The following PCCA variants were observed in gnomAD, a reference collection of about 807,000 sequenced individuals.
The protein encoded by PCCA is propionyl-CoA carboxylase alpha chain, mitochondrial.
In PCCA, 74 loss-of-function variants were observed where a neutral mutation model predicts 101.3. That is an observed-to-expected ratio of 0.73 (90% CI 0.61 to 0.89). PCCA has a LOEUF of 0.89. Among genes scored for constraint, PCCA ranks in the 40% least tolerant of loss-of-function variants. The pLI, the probability that PCCA is intolerant of heterozygous loss-of-function variation, is 0.00. For missense variants in PCCA, 891 were observed against 907.0 expected (o/e 0.98, Z 0.23); for synonymous variants, 294 against 313.6 (o/e 0.94, Z 0.66).
chr13:100,437,755 G>A (rs371558665), intron 20 of PCCA, among the ~76,000 whole-genome samples: 3 of 151,964 alleles, frequency 2.0e-5, no homozygotes, highest in Non-Finnish European at 4.4e-5. Flanking sequence ...TGCAACCTCC[G>A]CCTCCCAGAC....
intron 21 of PCCA, chr13:100,480,320 G>A (rs1455162158): frequency 6.6e-6 from 1 of 152,164 alleles, no homozygotes; most frequent in African/African-American, 2.4e-5. Context: ...CTTCTTGCAA[G>A]ATCTTCACCA....
At chr13:100,147,639 C>T (rs1434406471) in intron 4 of PCCA, among the ~76,000 whole-genome samples, 1 of 152,184 alleles carries the variant, frequency 6.6e-6, no homozygotes, top group African/African-American at 2.4e-5. Context: ...ACTTTGAATG[C>T]ATGTGTGATA....
intron 23 of PCCA, among the ~76,000 whole-genome samples, chr13:100,528,897 G>T (rs1345828325): frequency 6.6e-6 from 1 of 152,196 alleles, no homozygotes; most frequent in East Asian, 1.9e-4. Context: ...GCCTAGGTGT[G>T]GGGGACCGAG....
intron 22 of PCCA, among the ~76,000 whole-genome samples, chr13:100,516,142 A>AATTG (rs1412214425): frequency 6.6e-6 from 1 of 152,224 alleles, no homozygotes; most frequent in Non-Finnish European, 1.5e-5. Flanking sequence ...TACATGGATG[A>AATTG]ATTGATAGGA....
chr13:100,503,559 C>T (rs1347275689), intron 21 of PCCA, among the ~76,000 whole-genome samples: 1 of 151,992 alleles, frequency 6.6e-6, no homozygotes, highest in African/African-American at 2.4e-5. Context: ...TAAAAGTCTA[C>T]AGTGAGTCAA....
At chr13:100,503,074 TGGAGTTGTCCAGTG>T (rs906038381) in intron 21 of PCCA, among the ~76,000 whole-genome samples, 1 of 152,144 alleles carries the variant, frequency 6.6e-6, no homozygotes, top group African/African-American at 2.4e-5. Flanking sequence ...ACTCTCCCAC[TGGAGTTGTCCAGTG>T]GGAGTTGTCT....
intron 6 of PCCA, among the ~76,000 whole-genome samples, chr13:100,165,048 C>T (rs185498811): frequency 7.4e-4 from 112 of 152,260 alleles, no homozygotes; most frequent in African/African-American, 2.6e-3. Context: ...TGTGGATATA[C>T]CATATTTTGT....
intron 6 of PCCA, among the ~76,000 whole-genome samples, chr13:100,196,746 A>G (rs1018392176): frequency 9.2e-5 from 14 of 152,220 alleles, no homozygotes; most frequent in African/African-American, 3.4e-4. Context: ...ACATTTAAAA[A>G]TCGTGTGGGT....
At chr13:100,121,448 C>G (rs1200569228) in intron 4 of PCCA, among the ~76,000 whole-genome samples, 1 of 147,986 alleles carries the variant, frequency 6.8e-6, no homozygotes, top group East Asian at 2.0e-4. Flanking sequence ...GTGTGAGCCA[C>G]TGCGTCTGGG....
intron 21 of PCCA, among the ~76,000 whole-genome samples, chr13:100,456,536 C>T (rs546279546): frequency 2.6e-5 from 4 of 152,194 alleles, no homozygotes; most frequent in South Asian, 2.1e-4. Context: ...CGGCTGGGCG[C>T]GCTGAGTACA....
chr13:100,158,289 G>A (rs1253277676), intron 6 of PCCA, among the ~76,000 whole-genome samples: 1 of 152,210 alleles, frequency 6.6e-6, no homozygotes, highest in Non-Finnish European at 1.5e-5. Flanking sequence ...ATATTCTGTG[G>A]AGCATAACTG....
chr13:100,222,575 A>G (rs1209467643), intron 7 of PCCA, among the ~76,000 whole-genome samples: 2 of 152,208 alleles, frequency 1.3e-5, no homozygotes, highest in Non-Finnish European at 2.9e-5. Flanking sequence ...GTATCTATGC[A>G]GATAGAAGTT....
At chr13:100,278,240 T>A (rs540361349) in intron 12 of PCCA, among the ~76,000 whole-genome samples, 1 of 152,344 alleles carries the variant, frequency 6.6e-6, no homozygotes, top group East Asian at 1.9e-4. Flanking sequence ...GAAAAATAGC[T>A]TGTAATTTGA....
chr13:100,458,121 C>T (rs1037463718), intron 21 of PCCA, among the ~76,000 whole-genome samples: 5 of 152,164 alleles, frequency 3.3e-5, no homozygotes, highest in African/African-American at 7.2e-5. Context: ...TCAGTCCTTT[C>T]GCTTATAAAC....
rs147827958 is a variant in PCCA, at chr13:100,400,910, G to A, written c.1747-24723G>A. 2.0e-5 allele frequency among the ~76,000 whole-genome samples: 3 copies of A among 152,172 alleles called. No homozygotes were observed. In the East Asian group the frequency reaches 5.8e-4, roughly 30 times the overall value. ...CAAAGTGTTAGGATTACAGGCGTGA[G>A]CCACCGGCATGGCCTCATCTTAGTT... On this transcript the variant is annotated intron_variant, in intron 19 of 23. Coordinates refer to ENST00000376285, the MANE Select transcript of PCCA (RefSeq NM_000282.4).
chr13:100,291,575 C>A (rs1000379470), intron 12 of PCCA, among the ~76,000 whole-genome samples: 2 of 152,086 alleles, frequency 1.3e-5, no homozygotes, highest in African/African-American at 4.8e-5. Context: ...AATGTTTTTT[C>A]TTTCTTGTGC....
intron 19 of PCCA, among the ~76,000 whole-genome samples, chr13:100,416,899 A>C (rs1395719135): frequency 6.6e-6 from 1 of 152,006 alleles, no homozygotes; most frequent in African/African-American, 2.4e-5. Context: ...GCTGCAGTGC[A>C]ATGGCGCGAT....
At chr13:100,355,037 A>T (rs1450052690) in intron 18 of PCCA, among the ~76,000 whole-genome samples, 4 of 152,238 alleles carry the variant, frequency 2.6e-5, no homozygotes, top group African/African-American at 9.6e-5. Context: ...TATCCTTCTT[A>T]AGTATTAATG....
At chr13:100,363,742 T>C (rs2074886858) in intron 18 of PCCA, among the ~76,000 whole-genome samples, 1 of 152,148 alleles carries the variant, frequency 6.6e-6, no homozygotes, top group Non-Finnish European at 1.5e-5. Context: ...AAAACCAGCT[T>C]TTTTGAGTGT....
Sources: allele counts gnomAD v4.1 joint callset (sites outside exome capture counted in the v4.1 genomes callset), GRCh38; gene constraint gnomAD v4.1.1; transcripts MANE v1.5; gene names NCBI Gene and HGNC (gene_info 2026-07-23, HGNC 2026-07-21).